Variants in MAGI2 observed in about 807,000 individuals in gnomAD.
MAGI2 encodes membrane associated guanylate kinase, WW and PDZ domain containing 2.
MAGI2 carries 35 observed loss-of-function variants against 133.3 expected under a neutral mutation model. That is an observed-to-expected ratio of 0.26 (90% CI 0.20 to 0.35). MAGI2 has a LOEUF of 0.35. Among genes scored for constraint, MAGI2 ranks in the 10% least tolerant of loss-of-function variants. The pLI, the probability that MAGI2 is intolerant of heterozygous loss-of-function variation, is 1.00. For synonymous variants in MAGI2, 729 were observed against 710.6 expected (o/e 1.03, Z -0.41); for missense variants, 1,636 against 1,863.4 (o/e 0.88, Z 2.25).
intron 9 of MAGI2, among the ~76,000 whole-genome samples, chr7:78,266,896 A>T (rs898527709): frequency 3.3e-5 from 5 of 152,122 alleles, no homozygotes; most frequent in Non-Finnish European, 7.4e-5. Flanking sequence ...TATGACTCCA[A>T]CTGCAGACAA....
intron 3 of MAGI2, among the ~76,000 whole-genome samples, chr7:78,530,463 G>T (rs1258177670): frequency 2.0e-5 from 3 of 152,192 alleles, no homozygotes; most frequent in Non-Finnish European, 2.9e-5. Context: ...AGGCAAATAA[G>T]CATGGACTTG....
chr7:78,018,643 GGGCAATAAAAAT>G lies in MAGI2; in HGVS notation c.*660_*671del, dbSNP rs1563004763. 6.6e-6 allele frequency: 1 copy of G among 152,526 alleles called. No homozygotes were observed. Among genetic ancestry groups the G allele is most frequent in the Admixed American group, 6.6e-5 (1 of 15,266 alleles). 9.4% of individuals were successfully genotyped at this position (152,526 alleles called of 1,614,324 possible). A position where few individuals can be genotyped will look rare whatever the true frequency, so the allele number is the denominator to read the frequency against. ...CAGAAATATGATTTGATCACAGAAA[GGGCAATAAAAAT>G]GGCATCACACCAAGAAACTCACTAG... On this transcript the variant is annotated 3_prime_UTR_variant, in exon 22 of 22. Transcript: ENST00000354212.
intron 1 of MAGI2, among the ~76,000 whole-genome samples, chr7:79,065,190 T>A (rs1477892672): frequency 3.3e-5 from 5 of 152,128 alleles, no homozygotes; most frequent in African/African-American, 1.2e-4. Flanking sequence ...CCATAAACTA[T>A]GCTTAGGTAT....
chr7:79,048,608 T>C (rs1812388092), intron 1 of MAGI2, among the ~76,000 whole-genome samples: 1 of 152,198 alleles, frequency 6.6e-6, no homozygotes, highest in South Asian at 2.1e-4. Flanking sequence ...AAGCTCTATG[T>C]TCTAATTTTG....
intron 2 of MAGI2, among the ~76,000 whole-genome samples, chr7:78,847,556 A>G (rs961184695): frequency 1.3e-5 from 2 of 152,048 alleles, no homozygotes; most frequent in Non-Finnish European, 2.9e-5. Context: ...AAATCCATGT[A>G]ATGTGAACTG....
chr7:78,524,737 A>G (rs999592805), intron 3 of MAGI2, among the ~76,000 whole-genome samples: 1 of 149,896 alleles, frequency 6.7e-6, no homozygotes, highest in African/African-American at 2.5e-5. Flanking sequence ...GAACTTTTAT[A>G]TTTCAGCATT....
intron 1 of MAGI2, among the ~76,000 whole-genome samples, chr7:79,255,321 G>T (rs1833605246): frequency 6.6e-6 from 1 of 152,130 alleles, no homozygotes. Flanking sequence ...AGTTTTGACT[G>T]ATGATTACCA....
At chr7:78,697,511 T>C (rs1459364145) in intron 2 of MAGI2, among the ~76,000 whole-genome samples, 1 of 152,218 alleles carries the variant, frequency 6.6e-6, no homozygotes, top group Non-Finnish European at 1.5e-5. Context: ...TTACAATGGA[T>C]ATGCTACTAG....
At chr7:78,871,708 T>C (rs1584232163) in intron 2 of MAGI2, among the ~76,000 whole-genome samples, 1 of 152,004 alleles carries the variant, frequency 6.6e-6, no homozygotes, top group East Asian at 1.9e-4. Flanking sequence ...TAAGAGAGAA[T>C]AAAATAATTG....
At chr7:79,159,489 A>G (rs774994545) in intron 1 of MAGI2, among the ~76,000 whole-genome samples, 23 of 150,062 alleles carry the variant, frequency 1.5e-4, no homozygotes, top group Admixed American at 6.7e-4. Context: ...CTGTGCTTCA[A>G]CCTGCATGAC....
At chr7:78,639,052 C>T (rs963397559) in intron 2 of MAGI2, among the ~76,000 whole-genome samples, 3 of 152,128 alleles carry the variant, frequency 2.0e-5, no homozygotes, top group Non-Finnish European at 4.4e-5. Flanking sequence ...GTCCTCTAAG[C>T]AATGCAGACA....
chr7:78,057,973 A>ATG lies in MAGI2; in HGVS notation c.3706+20972_3706+20973dup, dbSNP rs1364096782. Among the ~76,000 whole-genome samples the ATG allele has an allele frequency of 2.1e-3, 148 of 70,774 alleles. 1 individual carries two copies. Among genetic ancestry groups the ATG allele is most frequent in the Middle Eastern group, 0.02 (3 of 148 alleles). The allele number at this position is 70,774 out of a possible 152,430, so 46.4% of individuals were successfully genotyped here. A position where few individuals can be genotyped will look rare whatever the true frequency, so the allele number is the denominator to read the frequency against. ...TTCTCCCCTCTGGCATTTTATATAT[A>ATG]TGTGTATATATATATATATATATAT... On this transcript the variant is annotated intron_variant, in intron 21 of 21. Coordinates refer to ENST00000354212, the MANE Select transcript of MAGI2 (RefSeq NM_012301.4).
At chr7:78,737,123 C>T (rs1330785186) in intron 2 of MAGI2, among the ~76,000 whole-genome samples, 1 of 152,184 alleles carries the variant, frequency 6.6e-6, no homozygotes, top group Non-Finnish European at 1.5e-5. Flanking sequence ...GTGATTGTTA[C>T]CAATAAAATT....
At chr7:78,711,202 T>A (rs1354693678) in intron 2 of MAGI2, among the ~76,000 whole-genome samples, 1 of 152,148 alleles carries the variant, frequency 6.6e-6, no homozygotes, top group Non-Finnish European at 1.5e-5. Flanking sequence ...AAACATTCAT[T>A]GTCTATTTGA....
intron 2 of MAGI2, among the ~76,000 whole-genome samples, chr7:78,887,571 G>A (rs1054878383): frequency 2.0e-4 from 30 of 152,236 alleles, no homozygotes; most frequent in Admixed American, 3.9e-4. Flanking sequence ...CTATATCATC[G>A]TAGGTGGCCA....
chr7:79,177,894 C>T (rs182342887), intron 1 of MAGI2, among the ~76,000 whole-genome samples: 22 of 151,972 alleles, frequency 1.4e-4, no homozygotes, highest in African/African-American at 5.3e-4. Context: ...TATTTCACAG[C>T]GTGTATGCGG....
At chr7:78,402,604 A>G (rs1040619532) in intron 6 of MAGI2, among the ~76,000 whole-genome samples, 2 of 152,202 alleles carry the variant, frequency 1.3e-5, no homozygotes, top group South Asian at 2.1e-4. Context: ...TTGCTGTTGC[A>G]TTTCAGTAGT....
intron 13 of MAGI2, among the ~76,000 whole-genome samples, 170 bp from the exon 14 acceptor site, chr7:78,178,272 G>A (rs1333497702): frequency 6.6e-6 from 1 of 152,154 alleles, no homozygotes; most frequent in African/African-American, 2.4e-5. Flanking sequence ...AAAAGTAGGT[G>A]TTCCAAATGT....
At chr7:78,781,773 A>G (rs1452822188) in intron 2 of MAGI2, among the ~76,000 whole-genome samples, 1 of 152,228 alleles carries the variant, frequency 6.6e-6, no homozygotes, top group East Asian at 1.9e-4. Flanking sequence ...AAATTAAAGT[A>G]AAGAATGTTA....
Sources: allele counts gnomAD v4.1 joint callset (sites outside exome capture counted in the v4.1 genomes callset), GRCh38; gene constraint gnomAD v4.1.1; transcripts MANE v1.5; gene names NCBI Gene and HGNC (gene_info 2026-07-23, HGNC 2026-07-21).